The following GSE1 variants were observed in gnomAD, a reference collection of about 807,000 sequenced individuals.
The protein encoded by GSE1 is Gse1 coiled-coil protein.
A neutral mutation model predicts 112.6 loss-of-function variants in GSE1; 32 were observed. The ratio of observed to expected loss-of-function variants is 0.28; its 90% CI spans 0.21 to 0.38. The LOEUF (loss-of-function observed/expected upper bound fraction) is 0.38. Ranked by LOEUF, GSE1 falls within the 10% of genes least tolerant of loss-of-function variation. The probability of loss-of-function intolerance (pLI) is 1.00; values close to 1 mark genes in which losing one functional copy is unlikely to be tolerated. For missense variants in GSE1, 2,348 were observed against 1,699.2 expected (o/e 1.38, Z -6.71); for synonymous variants, 1,115 against 735.6 (o/e 1.52, Z -8.35).
chr16:85,275,671 G>T (rs1315822559), intron 1 of GSE1, among the ~76,000 whole-genome samples: 1 of 152,180 alleles, frequency 6.6e-6, no homozygotes, highest in Non-Finnish European at 1.5e-5. Context: ...AGGCAGTCAG[G>T]GTGAGGGGAC....
At chr16:85,643,799 A>G (rs1230386045) in intron 2 of GSE1, among the ~76,000 whole-genome samples, 2 of 152,126 alleles carry the variant, frequency 1.3e-5, no homozygotes, top group East Asian at 3.9e-4. Flanking sequence ...GTCCCCAGGG[A>G]GGACCCACAG....
intron 4 of GSE1, 52 bp downstream of exon 4, chr16:85,654,502 C>CTCAGT: frequency 6.8e-7 from 1 of 1,474,158 alleles, no homozygotes; most frequent in Non-Finnish European, 9.2e-7. Context: ...GGACACAGTG[C>CTCAGT]TCAGGGTCTG....
At chr16:85,197,578 T>A (rs755682819) in intron 1 of GSE1, among the ~76,000 whole-genome samples, 1 of 152,180 alleles carries the variant, frequency 6.6e-6, no homozygotes, top group Non-Finnish European at 1.5e-5. Flanking sequence ...CTGGGGACAG[T>A]GTTTCCTGCG....
At chr16:85,577,628 G>T (rs1444203259) in intron 1 of GSE1, among the ~76,000 whole-genome samples, 2 of 152,190 alleles carry the variant, frequency 1.3e-5, no homozygotes, top group Non-Finnish European at 2.9e-5. Flanking sequence ...ACAGTCACCT[G>T]CCCAGGGTGA....
intron 2 of GSE1, among the ~76,000 whole-genome samples, chr16:85,393,644 G>C (rs2047898770): frequency 6.6e-6 from 1 of 152,216 alleles, no homozygotes. Flanking sequence ...CAACCTTCTG[G>C]AACAGTCTTC....
chr16:85,516,697 A>AT (rs1446163462), intron 2 of GSE1, among the ~76,000 whole-genome samples: 1 of 150,288 alleles, frequency 6.7e-6, no homozygotes, highest in Non-Finnish European at 1.5e-5. Context: ...CCCCCCTGCC[A>AT]TTTTTTCCAC....
At chr16:85,197,956 A>G (rs1245051373) in intron 1 of GSE1, among the ~76,000 whole-genome samples, 1 of 152,050 alleles carries the variant, frequency 6.6e-6, no homozygotes, top group Non-Finnish European at 1.5e-5. Flanking sequence ...ACGCAGGGCA[A>G]TTCCTAGATA....
At chr16:85,652,402 G>A (rs570996020) in intron 3 of GSE1, among the ~76,000 whole-genome samples, 119 of 152,340 alleles carry the variant, frequency 7.8e-4, no homozygotes, top group African/African-American at 2.7e-3. Flanking sequence ...GGGCGTCAGT[G>A]CCCATGTGTA....
At chr16:85,446,524 C>T (rs1026220092) in intron 2 of GSE1, among the ~76,000 whole-genome samples, 6 of 152,170 alleles carry the variant, frequency 3.9e-5, no homozygotes, top group Non-Finnish European at 8.8e-5. Flanking sequence ...GTGGGCCCAG[C>T]GTTGGCTCTG....
At chr16:85,524,455 C>T (rs369893543) in intron 2 of GSE1, among the ~76,000 whole-genome samples, 7 of 151,992 alleles carry the variant, frequency 4.6e-5, no homozygotes, top group Admixed American at 3.3e-4. Flanking sequence ...GCACGGCTGC[C>T]GTGGCTGTGG....
intron 1 of GSE1, among the ~76,000 whole-genome samples, chr16:85,587,525 C>T (rs930294341): frequency 6.6e-6 from 1 of 152,102 alleles, no homozygotes; most frequent in Non-Finnish European, 1.5e-5. Context: ...CCTGGGGACA[C>T]AGCGGGGGCT....
chr16:85,214,151 G>A (rs940671049), intron 1 of GSE1, among the ~76,000 whole-genome samples: 11 of 152,300 alleles, frequency 7.2e-5, no homozygotes, highest in African/African-American at 2.6e-4. Flanking sequence ...TGGCGTGCCC[G>A]CCGGCCTCTC....
intron 2 of GSE1, among the ~76,000 whole-genome samples, chr16:85,430,598 C>T (rs1468643625): frequency 6.6e-6 from 1 of 152,224 alleles, no homozygotes. Context: ...TCAGCCCTCT[C>T]CACACGGCAG....
At chr16:85,355,773 C>G (rs770607229) in intron 1 of GSE1, among the ~76,000 whole-genome samples, 1 of 152,110 alleles carries the variant, frequency 6.6e-6, no homozygotes, top group African/African-American at 2.4e-5. Flanking sequence ...ATAATCCCAG[C>G]GCTTTGGGAG....
chr16:85,236,147 G>C (rs941855471), intron 1 of GSE1, among the ~76,000 whole-genome samples: 11 of 152,300 alleles, frequency 7.2e-5, no homozygotes, highest in South Asian at 6.2e-4. Flanking sequence ...CCGGAAAAGA[G>C]GGCGGCCGGG....
intron 2 of GSE1, among the ~76,000 whole-genome samples, chr16:85,502,493 G>C (rs1319833787): frequency 6.6e-6 from 1 of 152,200 alleles, no homozygotes; most frequent in Admixed American, 6.5e-5. Flanking sequence ...CGCTATTACC[G>C]GTGAGTGAGA....
intron 1 of GSE1, among the ~76,000 whole-genome samples, chr16:85,341,161 C>A (rs1442382710): frequency 3.9e-5 from 6 of 152,012 alleles, no homozygotes; most frequent in African/African-American, 1.2e-4. Flanking sequence ...CAAGAACATG[C>A]GAGTTTTTCT....
intron 2 of GSE1, among the ~76,000 whole-genome samples, chr16:85,500,728 C>T (rs751211789): frequency 2.0e-5 from 3 of 152,194 alleles, no homozygotes; most frequent in Non-Finnish European, 2.9e-5. Context: ...GTACCAAAAC[C>T]GGGGGATGGA....
At chr16:85,657,170 C>A in intron 7 of GSE1, 107 bp from the exon 8 acceptor site, 1 of 778,968 alleles carries the variant, frequency 1.3e-6, no homozygotes, top group Non-Finnish European at 2.0e-6. Context: ...GGGAAGAACC[C>A]TTTGGAAGGG....
Sources: allele counts gnomAD v4.1 joint callset (sites outside exome capture counted in the v4.1 genomes callset), GRCh38; gene constraint gnomAD v4.1.1; transcripts MANE v1.5; gene names NCBI Gene and HGNC (gene_info 2026-07-23, HGNC 2026-07-21).